Variants in ADCY2 observed in about 807,000 individuals in gnomAD.
ADCY2 encodes adenylate cyclase 2, also known as adenylate cyclase type 2.
A neutral mutation model predicts 125.2 loss-of-function variants in ADCY2; 31 were observed. The observed-to-expected ratio is 0.25, with a 90% CI of 0.19 to 0.33. The LOEUF is 0.33. ADCY2 is among the 10% of genes least tolerant of loss of function. The pLI, the probability that ADCY2 is intolerant of heterozygous loss-of-function variation, is 1.00. For synonymous variants in ADCY2, 512 were observed against 548.4 expected, an observed-to-expected ratio of 0.93 and a Z score of 0.93; for missense variants, 904 against 1,418.2, an observed-to-expected ratio of 0.64 and a Z score of 5.82.
intron 14 of ADCY2, among the ~76,000 whole-genome samples, chr5:7,742,791 C>CTA (rs1172699734): frequency 3.0e-4 from 46 of 152,152 alleles, no homozygotes; most frequent in Non-Finnish European, 5.1e-4. Context: ...TACTCCTCTT[C>CTA]TTAGCCAAAT....
intron 14 of ADCY2, among the ~76,000 whole-genome samples, chr5:7,736,445 C>T (rs1286844507): frequency 6.6e-6 from 1 of 152,092 alleles, no homozygotes; most frequent in Non-Finnish European, 1.5e-5. Flanking sequence ...TCATATGTTA[C>T]AGCAAATCAA....
At position 7,673,269 on chromosome 5, in the gene ADCY2, A is replaced by AATAT. The variant is rs1180249627; in HGVS notation, c.721-17408_721-17405dup. Among the ~76,000 whole-genome samples, 26 of 3,932 alleles carry AATAT rather than the reference A, an allele frequency of 6.6e-3. 7 individuals carry two copies. Among genetic ancestry groups the AATAT allele is most frequent in the South Asian group, 0.038 (1 of 26 alleles). The allele number at this position is 3,932 out of a possible 152,430, so 2.6% of individuals were successfully genotyped here. ...AAAAAAAAAAAAAAAAAAAAAAAAA[A>AATAT]ATATATATATATATATAAAATTAGC... On this transcript the variant is annotated intron_variant, in intron 4 of 24. Transcript: ENST00000338316.
intron 14 of ADCY2, among the ~76,000 whole-genome samples, chr5:7,731,052 G>A (rs1216265564): frequency 1.3e-5 from 2 of 151,736 alleles, no homozygotes; most frequent in East Asian, 2.0e-4. Flanking sequence ...TGGGCTCCAG[G>A]TGTTTTCATG....
intron 2 of ADCY2, among the ~76,000 whole-genome samples, chr5:7,438,221 C>T (rs1190492746): frequency 6.6e-6 from 1 of 152,188 alleles, no homozygotes; most frequent in African/African-American, 2.4e-5. Context: ...GACTCCCCTT[C>T]TCCTTGTTAG....
intron 2 of ADCY2, among the ~76,000 whole-genome samples, chr5:7,422,894 G>C (rs938656569): frequency 1.3e-5 from 2 of 152,114 alleles, no homozygotes; most frequent in African/African-American, 4.8e-5. Context: ...TTCCTCTAGT[G>C]CAGTCACTTG....
chr5:7,521,340 C>A (rs1343556643), intron 3 of ADCY2, among the ~76,000 whole-genome samples: 1 of 151,940 alleles, frequency 6.6e-6, no homozygotes, highest in Non-Finnish European at 1.5e-5. Flanking sequence ...TTAAAATTTT[C>A]TATCAGGTCT....
chr5:7,418,817 G>A (rs967144253), intron 2 of ADCY2, among the ~76,000 whole-genome samples: 1 of 151,716 alleles, frequency 6.6e-6, no homozygotes, highest in Non-Finnish European at 1.5e-5. Context: ...CACCACACCT[G>A]GCTAATTTTT....
chr5:7,561,716 T>C (rs777097966), intron 3 of ADCY2, among the ~76,000 whole-genome samples: 2 of 152,226 alleles, frequency 1.3e-5, no homozygotes, highest in African/African-American at 2.4e-5. Context: ...ACACAAGTTA[T>C]ATGTTTGGCA....
At chr5:7,731,203 T>C (rs1178347421) in intron 14 of ADCY2, among the ~76,000 whole-genome samples, 1 of 152,070 alleles carries the variant, frequency 6.6e-6, no homozygotes, top group East Asian at 1.9e-4. Context: ...CCTTTTTGTA[T>C]ATATAATTTT....
intron 3 of ADCY2, among the ~76,000 whole-genome samples, chr5:7,579,565 C>A (rs1370755155): frequency 6.6e-6 from 1 of 152,178 alleles, no homozygotes; most frequent in Non-Finnish European, 1.5e-5. Context: ...ATGGAGATTT[C>A]AGCTGCTGCC....
At chr5:7,400,369 C>T (rs1036776222) in intron 1 of ADCY2, among the ~76,000 whole-genome samples, 8 of 152,124 alleles carry the variant, frequency 5.3e-5, no homozygotes, top group African/African-American at 1.9e-4. Flanking sequence ...ATATTTAAAA[C>T]AATAACCAGA....
intron 2 of ADCY2, among the ~76,000 whole-genome samples, chr5:7,488,487 C>T (rs968558784): frequency 6.6e-6 from 1 of 152,132 alleles, no homozygotes; most frequent in Non-Finnish European, 1.5e-5. Context: ...TCCTTGTGCC[C>T]CTGTCCCTCA....
Position 7,724,678 on chromosome 5 carries a change from A to G in ADCY2, c.1773+64A>G, listed in dbSNP as rs147265114. 4,248 of 1,223,642 alleles carry G rather than the reference A, an allele frequency of 3.5e-3. 14 individuals are homozygous for G. Among genetic ancestry groups the G allele is most frequent in the Non-Finnish European group, 4.5e-3 (3,883 of 857,110 alleles). 75.8% of individuals were successfully genotyped at this position (1,223,642 alleles called of 1,614,324 possible). A position where few individuals can be genotyped will look rare whatever the true frequency, so the allele number is the denominator to read the frequency against. On this transcript the variant is annotated intron_variant, in intron 13 of 24. Transcript: ENST00000338316. ...TCTGAAATTTGAATTTCTTCATGAA[A>G]TTGTGCTCATGTTTTTTATATGTGA... is the stretch of plus-strand genomic sequence containing the variant.
chr5:7,533,087 G>C, intron 3 of ADCY2, among the ~76,000 whole-genome samples: 1 of 148,716 alleles, frequency 6.7e-6, no homozygotes, highest in East Asian at 2.0e-4. Flanking sequence ...AAACATATAT[G>C]TATATATACA....
At chr5:7,422,516 C>A (rs1308989287) in intron 2 of ADCY2, among the ~76,000 whole-genome samples, 1 of 152,100 alleles carries the variant, frequency 6.6e-6, no homozygotes. Context: ...GGAAAGCTGA[C>A]CCACATTTGC....
At chr5:7,461,194 A>AGAGACCTGTCTGTCTCTCAG (rs1741905852) in intron 2 of ADCY2, among the ~76,000 whole-genome samples, 1 of 152,196 alleles carries the variant, frequency 6.6e-6, no homozygotes, top group Non-Finnish European at 1.5e-5. Flanking sequence ...TTACAACCTT[A>AGAGACCTGTCTGTCTCTCAG]GAGACCTGTC....
chr5:7,406,947 A>T (rs1179299831), intron 1 of ADCY2, among the ~76,000 whole-genome samples: 2 of 152,170 alleles, frequency 1.3e-5, no homozygotes. Context: ...TGTATGGGAA[A>T]CACACTCTGA....
chr5:7,709,220 C>T lies in ADCY2; in HGVS notation c.1411C>T (p.Arg471Trp), dbSNP rs754041062. ...TGTTTCTCACCCCAAGGGAGAACGA[C>T]GGAGCCCCCAGCATCTCTTCAGACC... ...YFVINPKGER[R>W]SPQHLFRPRH... Residue 471 changes from arginine to tryptophan, a missense_variant, in exon 10 of 25, where the codon CGG (arginine) becomes TGG (tryptophan). Transcript: ENST00000338316. The surrounding 1 kb of genome is among the most constrained non-coding windows in gnomAD (Gnocchi z 4.4). 11 of 1,609,186 alleles carry T rather than the reference C, an allele frequency of 6.8e-6. No individual in the cohort carries two copies. The highest frequency in any genetic ancestry group is 3.3e-4 in the Middle Eastern group (2 of 6,000).
chr5:7,412,967 C>A (rs887571166), intron 1 of ADCY2, among the ~76,000 whole-genome samples: 3 of 152,178 alleles, frequency 2.0e-5, no homozygotes, highest in Admixed American at 6.5e-5. Context: ...ATTTACCATT[C>A]TTGTTGTTCC....
Sources: allele counts gnomAD v4.1 joint callset (sites outside exome capture counted in the v4.1 genomes callset), GRCh38; gene constraint gnomAD v4.1.1; non-coding constraint Gnocchi (gnomAD v3.1); transcripts MANE v1.5; gene names NCBI Gene and HGNC (gene_info 2026-07-23, HGNC 2026-07-21).